ITPR2: variants seen among roughly 807,000 people sequenced by gnomAD.
The protein encoded by ITPR2 is inositol 1,4,5-trisphosphate receptor type 2.
Under a neutral mutation model 317.1 loss-of-function variants are expected in ITPR2, and 207 were observed. The ratio of observed to expected loss-of-function variants is 0.65; its 90% CI spans 0.58 to 0.73. The LOEUF (loss-of-function observed/expected upper bound fraction) is 0.73, where lower values mean the gene tolerates loss of function less well. Among genes scored for constraint, ITPR2 ranks in the 30% least tolerant of loss-of-function variants. The pLI, the probability that ITPR2 is intolerant of heterozygous loss-of-function variation, is 0.00. For synonymous variants in ITPR2, 1,156 were observed against 1,149.1 expected (o/e 1.01, Z -0.12); for missense variants, 2,613 against 3,284.0 (o/e 0.80, Z 4.99).
chr12:26,757,666 G>C (rs1243918048), intron 2 of ITPR2, among the ~76,000 whole-genome samples: 2 of 152,192 alleles, frequency 1.3e-5, no homozygotes, highest in Non-Finnish European at 1.5e-5. Flanking sequence ...TTTTCAATTT[G>C]TGATAGGTTT....
rs183667819 is a variant in ITPR2 at position 26,350,003 on chromosome 12, A to C, written c.7858-9675T>G. On this transcript the variant is annotated intron_variant, in intron 55 of 56. Coordinates refer to ENST00000381340, the MANE Select transcript of ITPR2 (RefSeq NM_002223.4). ...GGCTGATTCTATAACCCCTGGCTTT[A>C]TAGGCAGCACAGCCATGATGGGAGG... 5.4e-4 allele frequency among the ~76,000 whole-genome samples: 82 copies of C among 152,310 alleles called. 1 individual carries two copies. Among genetic ancestry groups the C allele is most frequent in the African/African-American group, 1.6e-3 (67 of 41,570 alleles).
intron 49 of ITPR2, among the ~76,000 whole-genome samples, chr12:26,426,233 A>G (rs961151071): frequency 6.6e-6 from 1 of 152,080 alleles, no homozygotes; most frequent in Non-Finnish European, 1.5e-5. Context: ...GCCAGTTACC[A>G]GTTTATAAAT....
chr12:26,552,329 C>CA (rs1944546444), intron 36 of ITPR2, among the ~76,000 whole-genome samples: 1 of 152,114 alleles, frequency 6.6e-6, no homozygotes, highest in Non-Finnish European at 1.5e-5. Flanking sequence ...GCTGGGACCA[C>CA]AGGTATATGC....
intron 37 of ITPR2, among the ~76,000 whole-genome samples, chr12:26,508,453 A>G (rs61920272): frequency 0.022 from 3,283 of 152,272 alleles, 41 homozygotes; most frequent in South Asian, 0.041. Context: ...TTTTCATGAT[A>G]CATTTTCTAT....
At position 26,604,453 on chromosome 12, in the gene ITPR2, A is replaced by G. The variant is rs537188587; in HGVS notation, c.3463-1747T>C. On this transcript the variant is annotated intron_variant, in intron 26 of 56. Transcript: ENST00000381340. Reference sequence around the variant, plus strand: ...TCTCCAAGAACAAAATTTTTGATGCATGAATTCAAAAATTCCATCTCTTCT... The same window carrying G: ...TCTCCAAGAACAAAATTTTTGATGCGTGAATTCAAAAATTCCATCTCTTCT... 4.7e-3 allele frequency among the ~76,000 whole-genome samples: 722 copies of G among 152,300 alleles called. 4 individuals carry two copies. The highest frequency in any genetic ancestry group is 0.017 in the African/African-American group (696 of 41,564).
chr12:26,506,089 A>C (rs1010541734), intron 37 of ITPR2, among the ~76,000 whole-genome samples: 1 of 151,846 alleles, frequency 6.6e-6, no homozygotes, highest in African/African-American at 2.4e-5. Flanking sequence ...TAAATATTAC[A>C]TTGTATTACT....
intron 32 of ITPR2, among the ~76,000 whole-genome samples, chr12:26,583,153 G>A (rs539639860): frequency 2.6e-5 from 4 of 152,026 alleles, no homozygotes; most frequent in African/African-American, 7.3e-5. Flanking sequence ...TGTTTCCTAC[G>A]AGAACTGACT....
intron 2 of ITPR2, among the ~76,000 whole-genome samples, chr12:26,756,616 G>C (rs192155604): frequency 4.1e-4 from 62 of 152,294 alleles, no homozygotes; most frequent in Admixed American, 3.5e-3. Context: ...GTCACGGATA[G>C]CCCTCACCAT....
intron 10 of ITPR2, among the ~76,000 whole-genome samples, chr12:26,691,035 T>C (rs1353633309): frequency 6.6e-6 from 1 of 152,222 alleles, no homozygotes; most frequent in Non-Finnish European, 1.5e-5. Context: ...TTTAAAACAG[T>C]GCTGTAGCCT....
At chr12:26,773,981 ATTTTTTTT>A (rs34106132) in intron 2 of ITPR2, among the ~76,000 whole-genome samples, 5 of 91,392 alleles carry the variant, frequency 5.5e-5, no homozygotes, top group Admixed American at 2.7e-4. Flanking sequence ...CAACTGGAGA[ATTTTTTTT>A]TTTTTTTTTT....
At chr12:26,474,121 T>C (rs1298223610) in intron 45 of ITPR2, among the ~76,000 whole-genome samples, 1 of 152,180 alleles carries the variant, frequency 6.6e-6, no homozygotes, top group African/African-American at 2.4e-5. Flanking sequence ...ATACAAAGGG[T>C]AGAAAAGGGC....
At position 26,508,358 on chromosome 12, in the gene ITPR2, CTAGT is replaced by C. The variant is rs534069971; in HGVS notation, c.5074-13102_5074-13099del. Among the ~76,000 whole-genome samples, 14 of 152,214 alleles carry C rather than the reference CTAGT, an allele frequency of 9.2e-5. No homozygotes were observed. The South Asian group carries it at 2.7e-3, about 29-fold the overall frequency. On this transcript the variant is annotated intron_variant, in intron 37 of 56. Transcript: ENST00000381340. Reference sequence around the variant, plus strand: ...GTGGCATCACTATTATACCTGTTTTCTAGTTAAAGTCAAGTAAGATGAAAACATA... The same window carrying C: ...GTGGCATCACTATTATACCTGTTTTCTAAAGTCAAGTAAGATGAAAACATA...
chr12:26,454,016 GTGAA>G (rs908407151), intron 45 of ITPR2, among the ~76,000 whole-genome samples: 3 of 152,064 alleles, frequency 2.0e-5, no homozygotes, highest in African/African-American at 7.2e-5. Context: ...AGATGGATGG[GTGAA>G]TGGATGGATG....
chr12:26,692,706 C>T (rs1476928018), intron 10 of ITPR2, among the ~76,000 whole-genome samples: 1 of 152,190 alleles, frequency 6.6e-6, no homozygotes, highest in African/African-American at 2.4e-5. Flanking sequence ...CTCTGACACA[C>T]ACCGCCTCAT....
At chr12:26,345,835 C>T (rs1363383687) in intron 55 of ITPR2, among the ~76,000 whole-genome samples, 1 of 152,148 alleles carries the variant, frequency 6.6e-6, no homozygotes, top group African/African-American at 2.4e-5. Flanking sequence ...GACACCACTT[C>T]CTCTCCATGT....
chr12:26,515,655 C>T (rs77776276), intron 37 of ITPR2, among the ~76,000 whole-genome samples: 10,764 of 152,028 alleles, frequency 0.071, 503 homozygotes, highest in East Asian at 0.15. Flanking sequence ...GGAGAAAGTA[C>T]AGAGAAGCAC....
rs1036130588 is a variant in ITPR2, at chr12:26,518,547, T to A, written c.5074-23287A>T. 7.2e-5 allele frequency among the ~76,000 whole-genome samples: 11 copies of A among 151,858 alleles called. 1 individual carries two copies. In the East Asian group the frequency reaches 1.9e-3, roughly 27 times the overall value. ...GTTGTCGGGGAAGGGGGGGCGGGAA[T>A]AAATACAAATAAAAAATAAAGTAGT... On this transcript the variant is annotated intron_variant, in intron 37 of 56. Coordinates refer to ENST00000381340, the MANE Select transcript of ITPR2 (RefSeq NM_002223.4).
chr12:26,476,503 C>T (rs960477957), intron 44 of ITPR2, among the ~76,000 whole-genome samples: 1 of 152,054 alleles, frequency 6.6e-6, no homozygotes, highest in Non-Finnish European at 1.5e-5. Context: ...AGAAGAACAG[C>T]TACAAAAAAT....
In ITPR2 at chr12:26,790,202, G is replaced by A; in HGVS notation, c.118C>T (p.His40Tyr). ...LGLVDDRCVV[H>Y]PEAGDLANPP... Reference sequence around the variant, plus strand: ...TTGGCAAGGTCCCCGGCCTCTGGGTGCACCACACATCTGTCATCCACTAAC... The same window carrying A: ...TTGGCAAGGTCCCCGGCCTCTGGGTACACCACACATCTGTCATCCACTAAC... The change falls in exon 2 of 57, where the codon CAC (histidine) becomes TAC (tyrosine). Residue 40 changes from histidine (H) to tyrosine (Y), a missense_variant. Physicochemically the swap from His to Tyr is moderately conservative, Grantham distance 83 (BLOSUM62 2). This residue lies in a region of ITPR2 where 515 missense variants were observed against 789.4 expected (regional missense o/e 0.65). Coordinates refer to ENST00000381340, the MANE Select transcript of ITPR2 (RefSeq NM_002223.4). 2.5e-6 allele frequency: 4 copies of A among 1,613,660 alleles called. No individual in the cohort carries two copies. The highest frequency in any genetic ancestry group is 2.5e-6 in the Non-Finnish European group (3 of 1,179,594).
Sources: gnomAD v4.1 joint callset for allele counts (sites outside exome capture counted in the v4.1 genomes callset) on GRCh38, gnomAD v4.1.1 for gene constraint, gnomAD v4.1.1 regional missense constraint, MANE v1.5 for transcripts, NCBI Gene and HGNC (gene_info 2026-07-23, HGNC 2026-07-21) for gene names.